The following EIF4G3 variants were observed in gnomAD, a reference collection of about 807,000 sequenced individuals.
EIF4G3 encodes eIF-4-gamma 3.
Under a neutral mutation model 186.4 loss-of-function variants are expected in EIF4G3, and 34 were observed. The observed-to-expected ratio is 0.18, with a 90% CI of 0.14 to 0.24. The LOEUF (loss-of-function observed/expected upper bound fraction) is 0.24, where lower values mean the gene tolerates loss of function less well. EIF4G3 is among the 10% of genes least tolerant of loss of function. The pLI, the probability that EIF4G3 is intolerant of heterozygous loss-of-function variation, is 1.00. For synonymous variants in EIF4G3, 673 were observed against 679.5 expected (o/e 0.99, Z 0.15); for missense variants, 1,536 against 1,948.5 (o/e 0.79, Z 3.99).
At chr1:21,159,808 C>A (rs888364496) in intron 2 of EIF4G3, among the ~76,000 whole-genome samples, 12 of 148,476 alleles carry the variant, frequency 8.1e-5, no homozygotes, top group Admixed American at 1.3e-4. Flanking sequence ...CTACAAAAAA[C>A]TGAAAAATTA....
intron 18 of EIF4G3, among the ~76,000 whole-genome samples, chr1:20,888,893 C>T (rs1426696911): frequency 6.6e-6 from 1 of 151,842 alleles, no homozygotes; most frequent in Non-Finnish European, 1.5e-5. Context: ...GATTTATATA[C>T]TAAACACACA....
intron 30 of EIF4G3, 50 bp downstream of exon 30, chr1:20,840,806 G>A: frequency 6.5e-7 from 1 of 1,546,440 alleles, no homozygotes; most frequent in South Asian, 1.2e-5. Context: ...AAAATTAACT[G>A]GTACCCAAGA....
chr1:21,010,419 C>CAAAAAAAAAAAAAAA (rs11318361), intron 4 of EIF4G3, among the ~76,000 whole-genome samples: 1 of 101,158 alleles, frequency 9.9e-6, no homozygotes, highest in African/African-American at 4.0e-5. Context: ...GACTCTGTCT[C>CAAAAAAAAAAAAAAA]AAAAAAAAAA....
At chr1:21,065,574 C>T (rs527629046) in intron 3 of EIF4G3, among the ~76,000 whole-genome samples, 10 of 149,834 alleles carry the variant, frequency 6.7e-5, no homozygotes, top group South Asian at 2.1e-4. Context: ...GGTGGGGCGG[C>T]GGGGGGAAGA....
intron 2 of EIF4G3, among the ~76,000 whole-genome samples, chr1:21,127,954 C>T (rs1488241419): frequency 5.3e-5 from 8 of 152,132 alleles, no homozygotes; most frequent in Non-Finnish European, 1.5e-5. Context: ...CCTGTAATCC[C>T]AGCACTTTGG....
chr1:20,938,884 G>A lies in EIF4G3; in HGVS notation c.1663+2607C>T, dbSNP rs1047673675. 4.6e-5 allele frequency among the ~76,000 whole-genome samples: 7 copies of A among 152,032 alleles called. No individual in the cohort carries two copies. The East Asian group carries it at 7.7e-4, about 17-fold the overall frequency. On this transcript the variant is annotated intron_variant, in intron 14 of 36. Coordinates refer to ENST00000602326, the MANE Select transcript of EIF4G3 (RefSeq NM_001391906.1). The stretch of plus-strand genomic sequence containing the variant: ...AGCACTTTGGGAGGCTGAGGCGGGC[G>A]GATCACAAGGTCAGTAGTTCGAGAC...
chr1:21,163,849 G>A (rs548689754), intron 2 of EIF4G3, among the ~76,000 whole-genome samples: 8 of 152,106 alleles, frequency 5.3e-5, no homozygotes, highest in Non-Finnish European at 7.4e-5. Context: ...TCAGCTCACC[G>A]TAGCCTCCGC....
In EIF4G3 at chr1:21,174,904, T is replaced by A. The variant is rs922135491; in HGVS notation, c.-272+1271A>T. Among the ~76,000 whole-genome samples, 26 of 152,132 alleles carry A rather than the reference T, an allele frequency of 1.7e-4. 1 individual carries two copies. The highest frequency in any genetic ancestry group is 6.3e-4 in the African/African-American group (26 of 41,492). On this transcript the variant is annotated intron_variant, in intron 2 of 36. Transcript: ENST00000602326. ...AACTAGGTTTAAAGAACAGAGAAAA[T>A]GACACTTGGCAGAAAACAAACAATG...
chr1:21,026,095 A>C (rs539757313), intron 4 of EIF4G3, among the ~76,000 whole-genome samples: 74 of 152,334 alleles, frequency 4.9e-4, no homozygotes, highest in Non-Finnish European at 1.0e-3. Context: ...TGGATAGCCA[A>C]AACAATAGCT....
rs965029337 is a variant in EIF4G3 at position 21,142,211 on chromosome 1, G to A, written c.-272+33964C>T. Among the ~76,000 whole-genome samples the A allele has an allele frequency of 4.0e-5, 6 of 151,872 alleles. 1 individual carries two copies. Among genetic ancestry groups the A allele is most frequent in the African/African-American group, 1.5e-4 (6 of 41,352 alleles). ...AAACATGTATTAGGAATCTAAAAGT[G>A]GCTAATGGTCAGGCATAATGGCTCA... On this transcript the variant is annotated intron_variant, in intron 2 of 36. Transcript: ENST00000602326.
intron 20 of EIF4G3, among the ~76,000 whole-genome samples, chr1:20,868,421 A>G (rs1054121080): frequency 1.3e-5 from 2 of 152,072 alleles, no homozygotes; most frequent in East Asian, 3.9e-4. Context: ...CAGGGAGAGA[A>G]ACAGCTCAGG....
At position 20,850,798 on chromosome 1, in the gene EIF4G3, T is replaced by C. The variant is rs562118675; in HGVS notation, c.3772+460A>G. Among the ~76,000 whole-genome samples the C allele has an allele frequency of 5.9e-5, 9 of 152,318 alleles. No homozygotes were observed. The South Asian group carries it at 1.4e-3, about 25-fold the overall frequency. On this transcript the variant is annotated intron_variant, in intron 28 of 36. Coordinates refer to ENST00000602326, the MANE Select transcript of EIF4G3 (RefSeq NM_001391906.1). ...GCATTATCCGAGCAAGTCCTCTAAG[T>C]ATATACATGCTAAATGCATACAAAA...
intron 2 of EIF4G3, among the ~76,000 whole-genome samples, chr1:21,110,433 T>A (rs1041072945): frequency 6.6e-6 from 1 of 152,114 alleles, no homozygotes; most frequent in Non-Finnish European, 1.5e-5. Flanking sequence ...TAGCTGGGAT[T>A]ACAGGAGCAC....
intron 14 of EIF4G3, among the ~76,000 whole-genome samples, chr1:20,906,190 C>G (rs2092038229): frequency 6.6e-6 from 1 of 152,112 alleles, no homozygotes; most frequent in Admixed American, 6.5e-5. Flanking sequence ...GTGTCCTACT[C>G]AAGGTAAATT....
intron 3 of EIF4G3, among the ~76,000 whole-genome samples, chr1:21,062,278 T>C (rs2094957614): frequency 6.6e-6 from 1 of 152,014 alleles, no homozygotes; most frequent in African/African-American, 2.4e-5. Context: ...CAGGCTGGCT[T>C]CAAACTCCTG....
intron 2 of EIF4G3, among the ~76,000 whole-genome samples, chr1:21,107,236 G>A (rs2096633619): frequency 6.6e-6 from 1 of 152,088 alleles, no homozygotes; most frequent in South Asian, 2.1e-4. Flanking sequence ...GAATGCAGTG[G>A]CACCATCTTG....
intron 3 of EIF4G3, among the ~76,000 whole-genome samples, chr1:21,086,909 A>G (rs2101050339): frequency 6.6e-6 from 1 of 151,116 alleles, no homozygotes; most frequent in South Asian, 2.1e-4. Flanking sequence ...ACGGCACTCC[A>G]GCCTGGGCAA....
At chr1:21,103,524 G>T (rs2096563433) in intron 2 of EIF4G3, among the ~76,000 whole-genome samples, 1 of 152,142 alleles carries the variant, frequency 6.6e-6, no homozygotes, top group Admixed American at 6.6e-5. Context: ...AGCAGTGGAA[G>T]AATGAAAGAG....
intron 3 of EIF4G3, among the ~76,000 whole-genome samples, chr1:21,057,618 T>C (rs944428890): frequency 1.3e-5 from 2 of 152,070 alleles, no homozygotes; most frequent in African/African-American, 4.8e-5. Context: ...TGCTTTAAAA[T>C]TATTTGTTAA....
Sources: gnomAD v4.1 joint callset for allele counts (sites outside exome capture counted in the v4.1 genomes callset) on GRCh38, gnomAD v4.1.1 for gene constraint, MANE v1.5 for transcripts, NCBI Gene and HGNC (gene_info 2026-07-23, HGNC 2026-07-21) for gene names.